EAPP: variants seen among roughly 807,000 people sequenced by gnomAD.
EAPP encodes the protein E2F-associated phosphoprotein.
In EAPP, 38 loss-of-function variants were observed where a neutral mutation model predicts 34.3. That is an observed-to-expected ratio of 1.11 (90% CI 0.85 to 1.45). The LOEUF (loss-of-function observed/expected upper bound fraction) is 1.45, where lower values mean the gene tolerates loss of function less well. EAPP is among the 40% of genes most tolerant of loss of function. EAPP has a pLI of 0.00. For synonymous variants in EAPP, 113 were observed against 117.6 expected, an observed-to-expected ratio of 0.96 and a Z score of 0.25; for missense variants, 338 against 343.7, an observed-to-expected ratio of 0.98 and a Z score of 0.13.
chr14:34,521,459 GATA>G (rs1879915583), intron 5 of EAPP, among the ~76,000 whole-genome samples: 1 of 151,980 alleles, frequency 6.6e-6, no homozygotes, highest in South Asian at 2.1e-4. Flanking sequence ...AATCTTTTGA[GATA>G]ATATTTTATA....
chr14:34,524,202 C>T (rs1397903024), intron 5 of EAPP, among the ~76,000 whole-genome samples: 4 of 152,120 alleles, frequency 2.6e-5, no homozygotes, highest in Non-Finnish European at 4.4e-5. Flanking sequence ...TCAGCCTGGC[C>T]AAGATGGTGA....
At chr14:34,534,985 C>T (rs1880420009) in intron 2 of EAPP, among the ~76,000 whole-genome samples, 13 of 151,788 alleles carry the variant, frequency 8.6e-5, no homozygotes, top group Admixed American at 8.5e-4. Context: ...ACTGCAGGCA[C>T]GTGCCACCAA....
At chr14:34,522,123 A>G (rs1879938663) in intron 5 of EAPP, among the ~76,000 whole-genome samples, 1 of 151,832 alleles carries the variant, frequency 6.6e-6, no homozygotes, top group Non-Finnish European at 1.5e-5. Context: ...GACACCAACT[A>G]AGTTTTTTTC....
chr14:34,536,412 T>G (rs1880477064), intron 1 of EAPP, 137 bp from the exon 2 acceptor site: 1 of 545,614 alleles, frequency 1.8e-6, no homozygotes, highest in Admixed American at 4.0e-5. Context: ...TACATATAGC[T>G]ATTCTCACTT....
Position 34,516,152 on chromosome 14 carries a change from A to G in EAPP, c.*158T>C. On this transcript the variant is annotated 3_prime_UTR_variant, in exon 6 of 6. Transcript: ENST00000250454. ...AAGAAAAAAAAAAGGAGAGGGTGAG[A>G]GATGTAAGAGATGAATGAAGGTTGA... 1 of 618,560 alleles carries G rather than the reference A, an allele frequency of 1.6e-6. No individual in the cohort carries two copies. Among genetic ancestry groups the G allele is most frequent in the Non-Finnish European group, 2.6e-6 (1 of 381,856 alleles). The allele number at this position is 618,560 out of a possible 1,614,324, so 38.3% of individuals were successfully genotyped here.
Position 34,516,241 on chromosome 14 carries a change from C to T in EAPP, c.*69G>A. 2 of 1,431,588 alleles carry T rather than the reference C, an allele frequency of 1.4e-6. No homozygotes were observed. The highest frequency in any genetic ancestry group is 1.9e-6 in the Non-Finnish European group (2 of 1,058,852). The allele number at this position is 1,431,588 out of a possible 1,614,324, so 88.7% of individuals were successfully genotyped here. On this transcript the variant is annotated 3_prime_UTR_variant, in exon 6 of 6. Coordinates refer to ENST00000250454, the MANE Select transcript of EAPP (RefSeq NM_018453.4). Reference sequence around the variant, plus strand: ...AATGTCACTGAAGGATATGAACAGGCAAGAGGAAAGTAACTGTCCATATTT... The same window carrying T: ...AATGTCACTGAAGGATATGAACAGGTAAGAGGAAAGTAACTGTCCATATTT...
At chr14:34,539,313 G>T (rs1322008149) in intron 1 of EAPP, 1 of 678,886 alleles carries the variant, frequency 1.5e-6, no homozygotes, top group Non-Finnish European at 2.7e-6. Context: ...TGCTTTTGAA[G>T]ATTTACACGC....
At chr14:34,532,412 T>A (rs1880325700) in intron 3 of EAPP, among the ~76,000 whole-genome samples, 1 of 149,044 alleles carries the variant, frequency 6.7e-6, no homozygotes, top group Admixed American at 6.7e-5. Flanking sequence ...TGAACCAAGA[T>A]GGTGGTGCCA....
intron 5 of EAPP, among the ~76,000 whole-genome samples, chr14:34,517,045 C>T (rs551942521): frequency 1.4e-3 from 214 of 150,862 alleles, no homozygotes; most frequent in African/African-American, 4.8e-3. Context: ...TCACGCCATT[C>T]TCCTGCCTCA....
chr14:34,538,144 G>C (rs1174141447), intron 1 of EAPP, among the ~76,000 whole-genome samples: 1 of 152,136 alleles, frequency 6.6e-6, no homozygotes, highest in South Asian at 2.1e-4. Context: ...TTGGGAGCCC[G>C]ACGCAGGCAG....
chr14:34,531,556 G>T (rs1462349148), intron 3 of EAPP, among the ~76,000 whole-genome samples: 2 of 149,302 alleles, frequency 1.3e-5, no homozygotes, highest in South Asian at 2.2e-4. Flanking sequence ...GAGCTGAGAT[G>T]ACGCCACTGC....
At chr14:34,532,100 A>G (rs1033827746) in intron 3 of EAPP, among the ~76,000 whole-genome samples, 5 of 151,406 alleles carry the variant, frequency 3.3e-5, no homozygotes, top group Non-Finnish European at 5.9e-5. Flanking sequence ...AGAAAGAAAG[A>G]AAGAAAGAAA....
chr14:34,518,325 A>ATTTTTTTTT (rs71404852), intron 5 of EAPP, among the ~76,000 whole-genome samples: 7 of 74,084 alleles, frequency 9.4e-5, no homozygotes, highest in Admixed American at 2.2e-4. Context: ...CTCCCTTTAG[A>ATTTTTTTTT]TTTTTTTTTT....
chr14:34,534,360 C>G (rs1194333111), intron 2 of EAPP, among the ~76,000 whole-genome samples: 1 of 152,110 alleles, frequency 6.6e-6, no homozygotes, highest in Non-Finnish European at 1.5e-5. Context: ...TCTTGAGCTC[C>G]TGACCTCATG....
chr14:34,527,655 A>C (rs1263140145), intron 4 of EAPP, among the ~76,000 whole-genome samples: 1 of 152,198 alleles, frequency 6.6e-6, no homozygotes, highest in Non-Finnish European at 1.5e-5. Flanking sequence ...ACATGTGCTA[A>C]AATGTAGATG....
intron 5 of EAPP, among the ~76,000 whole-genome samples, chr14:34,518,344 T>C (rs1879805695): frequency 7.2e-6 from 1 of 138,794 alleles, no homozygotes; most frequent in Non-Finnish European, 1.5e-5. Context: ...TTTTTTTTTT[T>C]TTTTTTTTGA....
chr14:34,523,415 T>C lies in EAPP; in HGVS notation c.581+1282A>G, dbSNP rs563230290. ...ACCATGCCCGGCTAATTTTTTGTATTTTTAATAGAGACAGGGTTTCACCGT... is the reference window on the plus strand; with the variant it reads ...ACCATGCCCGGCTAATTTTTTGTATCTTTAATAGAGACAGGGTTTCACCGT... On this transcript the variant is annotated intron_variant, in intron 5 of 5. Transcript: ENST00000250454. 1.1e-3 allele frequency among the ~76,000 whole-genome samples: 172 copies of C among 152,098 alleles called. 1 individual carries two copies. The highest frequency in any genetic ancestry group is 4.0e-3 in the African/African-American group (165 of 41,506).
chr14:34,523,362 G>A lies in EAPP; in HGVS notation c.581+1335C>T, dbSNP rs1008913929. On this transcript the variant is annotated intron_variant, in intron 5 of 5. Coordinates refer to ENST00000250454, the MANE Select transcript of EAPP (RefSeq NM_018453.4). ...ACGCCATTCTCCTGCCTCAGCCTCC[G>A]GAGTAGCTGGGACTACAGGCGCCCG... Among the ~76,000 whole-genome samples the A allele has an allele frequency of 2.0e-5, 3 of 150,010 alleles. No individual in the cohort carries two copies. In the South Asian group the frequency reaches 6.3e-4, roughly 32 times the overall value.
chr14:34,525,177 A>G (rs553330313), intron 4 of EAPP, among the ~76,000 whole-genome samples: 66 of 152,296 alleles, frequency 4.3e-4, no homozygotes, highest in African/African-American at 1.5e-3. Context: ...GAGAACAGAC[A>G]AATCCCCACA....
Sources: gnomAD v4.1 joint callset for allele counts (sites outside exome capture counted in the v4.1 genomes callset) on GRCh38, gnomAD v4.1.1 for gene constraint, MANE v1.5 for transcripts, NCBI Gene and HGNC (gene_info 2026-07-23, HGNC 2026-07-21) for gene names.